Variants in USP46 observed in about 807,000 individuals in gnomAD.
The protein encoded by USP46 is ubiquitin specific peptidase 46.
A neutral mutation model predicts 44.4 loss-of-function variants in USP46; 12 were observed. The ratio of observed to expected loss-of-function variants is 0.27; its 90% confidence interval spans 0.17 to 0.44. The LOEUF (loss-of-function observed/expected upper bound fraction) is 0.44, where lower values mean the gene tolerates loss of function less well. USP46 is among the 20% of genes least tolerant of loss of function. The pLI is 1.00. For missense variants in USP46, 248 were observed against 444.8 expected, an observed-to-expected ratio of 0.56 and a Z score of 3.98; for synonymous variants, 155 against 161.5, an observed-to-expected ratio of 0.96 and a Z score of 0.31.
chr4:52,611,459 G>A (rs1716932079), intron 4 of USP46, among the ~76,000 whole-genome samples: 1 of 152,198 alleles, frequency 6.6e-6, no homozygotes, highest in South Asian at 2.1e-4. Context: ...ACAACCTTCA[G>A]GTGCTCAGTC....
intron 3 of USP46, among the ~76,000 whole-genome samples, chr4:52,626,852 T>G (rs1364868980): frequency 6.6e-6 from 1 of 152,204 alleles, no homozygotes; most frequent in Non-Finnish European, 1.5e-5. Flanking sequence ...ATCAGATAAG[T>G]TCCCTGATAA....
intron 6 of USP46, among the ~76,000 whole-genome samples, chr4:52,602,546 G>A (rs370615414): frequency 5.3e-5 from 8 of 152,154 alleles, no homozygotes; most frequent in East Asian, 3.9e-4. Context: ...GACACCAAGC[G>A]TGCCAGGCTC....
At chr4:52,658,675 C>T (rs184675098) in intron 1 of USP46, among the ~76,000 whole-genome samples, 38 of 152,334 alleles carry the variant, frequency 2.5e-4, no homozygotes, top group Non-Finnish European at 5.0e-4. Context: ...TTTTAAACAC[C>T]TCGGAAGGAC....
At chr4:52,632,994 G>GAAAGAAAGGA (rs1717964278) in intron 1 of USP46, among the ~76,000 whole-genome samples, 1 of 91,324 alleles carries the variant, frequency 1.1e-5, no homozygotes, top group Non-Finnish European at 2.2e-5. Flanking sequence ...GAAAAGAAAA[G>GAAAGAAAGGA]AAAGAAAGAA....
At chr4:52,615,908 A>G (rs1445689029) in intron 4 of USP46, among the ~76,000 whole-genome samples, 1 of 152,244 alleles carries the variant, frequency 6.6e-6, no homozygotes, top group African/African-American at 2.4e-5. Flanking sequence ...AAAAATTCAT[A>G]AAACAAAAAT....
chr4:52,636,586 G>A (rs1458859710), intron 1 of USP46, among the ~76,000 whole-genome samples: 3 of 150,966 alleles, frequency 2.0e-5, no homozygotes, highest in African/African-American at 7.3e-5. Context: ...GGCACCTGTA[G>A]TCCCAGCTAC....
rs1051272634 is a variant in USP46 at position 52,591,674 on chromosome 4, A to T, written c.*5966T>A. The T allele has an allele frequency of 1.3e-5, 2 of 152,286 alleles. No individual in the cohort carries two copies. Among genetic ancestry groups the T allele is most frequent in the East Asian group, 3.9e-4 (2 of 5,190 alleles). The allele number at this position is 152,286 out of a possible 1,614,324, so 9.4% of individuals were successfully genotyped here. A position where few individuals can be genotyped will look rare whatever the true frequency, so the allele number is the denominator to read the frequency against. ...GGTATCTCATAACCAAAATGAAGCT[A>T]TTTTTCCTTTGTAAGCTCCTGATGT... On this transcript the variant is annotated 3_prime_UTR_variant, in exon 9 of 9. Coordinates refer to ENST00000441222, the MANE Select transcript of USP46 (RefSeq NM_022832.4).
intron 4 of USP46, among the ~76,000 whole-genome samples, chr4:52,625,334 A>G (rs1473631089): frequency 6.6e-6 from 1 of 152,042 alleles, no homozygotes; most frequent in Non-Finnish European, 1.5e-5. Flanking sequence ...TAACAAGCAG[A>G]AAAGCCAGCA....
At chr4:52,646,697 T>C (rs1011418784) in intron 1 of USP46, among the ~76,000 whole-genome samples, 5 of 152,186 alleles carry the variant, frequency 3.3e-5, no homozygotes, top group Admixed American at 2.0e-4. Flanking sequence ...ATAAAACTGG[T>C]CCTTCCCTAC....
intron 1 of USP46, among the ~76,000 whole-genome samples, chr4:52,638,242 A>G (rs1328469944): frequency 1.3e-5 from 2 of 152,162 alleles, no homozygotes; most frequent in African/African-American, 4.8e-5. Flanking sequence ...ACGTGACAAC[A>G]GATGTAGAGG....
intron 6 of USP46, among the ~76,000 whole-genome samples, chr4:52,602,901 G>A (rs145382181): frequency 1.7e-4 from 26 of 152,268 alleles, no homozygotes; most frequent in African/African-American, 4.1e-4. Flanking sequence ...GTAAAAAGTC[G>A]CAAAGGCAAC....
intron 4 of USP46, among the ~76,000 whole-genome samples, chr4:52,623,830 G>A (rs1327333194): frequency 1.3e-5 from 2 of 152,062 alleles, no homozygotes; most frequent in Non-Finnish European, 2.9e-5. Flanking sequence ...TTAGGCAGGA[G>A]AATCACTTGA....
chr4:52,630,750 A>G (rs974153279), intron 2 of USP46, among the ~76,000 whole-genome samples: 7 of 152,040 alleles, frequency 4.6e-5, no homozygotes, highest in African/African-American at 9.6e-5. Context: ...AAAAAAAAAA[A>G]AAAAAGAAAA....
intron 1 of USP46, chr4:52,658,380 A>C (rs1719035154): frequency 2.4e-6 from 1 of 417,174 alleles, no homozygotes; most frequent in Non-Finnish European, 4.8e-6. Context: ...CCCTGGCTGT[A>C]TCCATGCCCG....
At chr4:52,608,596 C>T (rs1265275355) in intron 5 of USP46, among the ~76,000 whole-genome samples, 2 of 152,172 alleles carry the variant, frequency 1.3e-5, no homozygotes, top group African/African-American at 2.4e-5. Context: ...CCTGGCTGCT[C>T]GATAGAATCA....
At chr4:52,608,869 G>C (rs929837881) in intron 5 of USP46, among the ~76,000 whole-genome samples, 17 of 152,186 alleles carry the variant, frequency 1.1e-4, no homozygotes, top group Non-Finnish European at 1.9e-4. Flanking sequence ...GGTGGTTTTA[G>C]AGCACTGAGC....
At chr4:52,636,027 C>T (rs1337915863) in intron 1 of USP46, among the ~76,000 whole-genome samples, 1 of 152,146 alleles carries the variant, frequency 6.6e-6, no homozygotes. Flanking sequence ...AAATACATGA[C>T]CTGACATGGC....
In USP46 at chr4:52,659,075, C is replaced by A; in HGVS notation, c.36+40G>T. On this transcript the variant is annotated intron_variant, in intron 1 of 8. Transcript: ENST00000441222. The surrounding 1 kb of genome is among the most constrained non-coding windows in gnomAD (Gnocchi z 4.2). ...TCGGGCTTCCCTTTCTTTGCCTCGC[C>A]GCGAGTCGGGCGCGACCCCGAGGCG... The A allele has an allele frequency of 6.5e-7, 1 of 1,542,500 alleles. No individual in the cohort carries two copies. Among genetic ancestry groups the A allele is most frequent in the African/African-American group, 1.4e-5 (1 of 70,422 alleles).
At chr4:52,624,231 G>A (rs1330930345) in intron 4 of USP46, among the ~76,000 whole-genome samples, 2 of 152,166 alleles carry the variant, frequency 1.3e-5, no homozygotes, top group Non-Finnish European at 2.9e-5. Context: ...TTACTGGAAT[G>A]TAAAGTAGAA....
Sources: allele counts gnomAD v4.1 joint callset (sites outside exome capture counted in the v4.1 genomes callset), GRCh38; gene constraint gnomAD v4.1.1; non-coding constraint Gnocchi (gnomAD v3.1); transcripts MANE v1.5; gene names NCBI Gene and HGNC (gene_info 2026-07-23, HGNC 2026-07-21).